KIF13A: variants seen among roughly 807,000 people sequenced by gnomAD.
KIF13A encodes the protein kinesin family member 13A, also known as kinesin-like protein KIF13A.
A neutral mutation model predicts 212.2 loss-of-function variants in KIF13A; 79 were observed. The ratio of observed to expected loss-of-function variants is 0.37; its 90% CI spans 0.31 to 0.45. The LOEUF (loss-of-function observed/expected upper bound fraction) is 0.45. Ranked by LOEUF, KIF13A falls within the 20% of genes least tolerant of loss-of-function variation. The pLI is 1.00. For missense variants in KIF13A, 1,901 were observed against 2,209.0 expected, an observed-to-expected ratio of 0.86 and a Z score of 2.79; for synonymous variants, 789 against 808.6, an observed-to-expected ratio of 0.98 and a Z score of 0.41.
In KIF13A at chr6:17,816,793, AG is replaced by A. The variant is rs998322452; in HGVS notation, c.2000+226del. Among the ~76,000 whole-genome samples, 1 of 152,200 alleles carries A rather than the reference AG, an allele frequency of 6.6e-6. No homozygotes were observed. Among genetic ancestry groups the A allele is most frequent in the Non-Finnish European group, 1.5e-5 (1 of 68,038 alleles). On this transcript the variant is annotated intron_variant, in intron 17 of 38. Transcript: ENST00000259711. The surrounding 1 kb of genome is among the most constrained non-coding windows in gnomAD (Gnocchi z 4.3). ...TGCAACTTGGCACCATTTTTATTGAAGGGTAAATGGTTTGGGGGTAGGAGGG... is the reference window on the plus strand; with the variant it reads ...TGCAACTTGGCACCATTTTTATTGAAGGTAAATGGTTTGGGGGTAGGAGGG...
chr6:17,766,218 A>ATTTATTTATT (rs1561945537), intron 38 of KIF13A, among the ~76,000 whole-genome samples: 1 of 78,970 alleles, frequency 1.3e-5, no homozygotes, highest in African/African-American at 5.3e-5. Context: ...TTTATTTTTA[A>ATTTATTTATT]GATTTATTTA....
intron 2 of KIF13A, among the ~76,000 whole-genome samples, chr6:17,938,795 T>C (rs1046625150): frequency 7.3e-5 from 11 of 151,216 alleles, no homozygotes; most frequent in South Asian, 2.1e-4. Flanking sequence ...TGAAAGTCTT[T>C]AAAATTTCAC....
At chr6:17,796,357 G>A (rs1272514362) in intron 23 of KIF13A, among the ~76,000 whole-genome samples, 1 of 150,040 alleles carries the variant, frequency 6.7e-6, no homozygotes, top group East Asian at 2.0e-4. Flanking sequence ...AATAAATCCT[G>A]CCTCAGCCTC....
intron 25 of KIF13A, among the ~76,000 whole-genome samples, chr6:17,791,901 C>CAAAA (rs57423111): frequency 5.6e-5 from 5 of 89,960 alleles, no homozygotes; most frequent in Admixed American, 1.3e-4. Flanking sequence ...GACTCTGTCT[C>CAAAA]AAAAAAAAAA....
At position 17,764,471 on chromosome 6, in the gene KIF13A, G is replaced by A. The variant is rs753204968; in HGVS notation, c.5057C>T (p.Pro1686Leu). 1.9e-6 allele frequency: 3 copies of A among 1,614,028 alleles called. No homozygotes were observed. In the East Asian group the frequency reaches 6.7e-5, roughly 36 times the overall value. Reference sequence around the variant, plus strand: ...GCACAGTGATTTGGAGTTTTTCTCAGGGATGCTCTGGGATGATGGGCTCCC... The same window carrying A: ...GCACAGTGATTTGGAGTTTTTCTCAAGGATGCTCTGGGATGATGGGCTCCC... ...AKGSPSSQSI[P>L]EKNSKSLCRT... is the part of the protein sequence containing the mutation. The change falls in exon 39 of 39, where the codon CCT becomes CTT. Residue 1686 changes from proline (P) to leucine (L), a missense_variant. Pro to Leu is a moderately conservative substitution (Grantham distance 98). Transcript: ENST00000259711. This position sits in a 1 kb window ranked among gnomAD's most constrained non-coding sequence, Gnocchi z 5.1.
At chr6:17,902,349 T>C (rs879472559) in intron 2 of KIF13A, among the ~76,000 whole-genome samples, 1 of 152,242 alleles carries the variant, frequency 6.6e-6, no homozygotes, top group Non-Finnish European at 1.5e-5. Flanking sequence ...TATTTTTGTA[T>C]ATTCCAAATA....
At position 17,987,235 on chromosome 6, in the gene KIF13A, C is replaced by T. The variant is rs1781653739; in HGVS notation, c.56-91G>A. On this transcript the variant is annotated intron_variant, in intron 1 of 38. Transcript: ENST00000259711. This position sits in a 1 kb window ranked among gnomAD's most constrained non-coding sequence, Gnocchi z 7.7. ...AGCCGCGCCGAGCGGGGCTCCGTCC[C>T]TGGAGGCGGCCGAGCCTGGAGACGG... is the stretch of plus-strand genomic sequence containing the variant. 4.4e-6 allele frequency: 5 copies of T among 1,141,954 alleles called. No individual in the cohort carries two copies. The South Asian group carries it at 9.5e-5, about 22-fold the overall frequency. The allele number at this position is 1,141,954 out of a possible 1,614,324, so 70.7% of individuals were successfully genotyped here.
At position 17,783,258 on chromosome 6, in the gene KIF13A, A is replaced by C. The variant is rs1214673312; in HGVS notation, c.3544+388T>G. Among the ~76,000 whole-genome samples the C allele has an allele frequency of 6.6e-6, 1 of 152,250 alleles. No homozygotes were observed. The highest frequency in any genetic ancestry group is 1.5e-5 in the Non-Finnish European group (1 of 68,046). On this transcript the variant is annotated intron_variant, in intron 29 of 38. Transcript: ENST00000259711. The surrounding 1 kb of genome is among the most constrained non-coding windows in gnomAD (Gnocchi z 4.3). ...ATTGCAATATGAAGGACAACCCCTA[A>C]GGCAGGGTTATAGTGTGATCACTTC...
At chr6:17,923,704 T>G (rs1012954651) in intron 2 of KIF13A, among the ~76,000 whole-genome samples, 1 of 152,232 alleles carries the variant, frequency 6.6e-6, no homozygotes, top group Non-Finnish European at 1.5e-5. Context: ...GACCAAAATC[T>G]TTCACGAGCT....
chr6:17,821,110 T>C (rs149736033), intron 16 of KIF13A, among the ~76,000 whole-genome samples: 212 of 152,190 alleles, frequency 1.4e-3, no homozygotes, highest in Non-Finnish European at 2.4e-3. Context: ...ATCCTCCCAC[T>C]TTGGCTTCCC....
At chr6:17,863,221 A>G (rs1769001732) in intron 4 of KIF13A, among the ~76,000 whole-genome samples, 1 of 152,120 alleles carries the variant, frequency 6.6e-6, no homozygotes, top group Admixed American at 6.5e-5. Context: ...ACCAAATATG[A>G]TGGTGGTGAC....
chr6:17,823,620 A>G (rs866495898), intron 16 of KIF13A, among the ~76,000 whole-genome samples: 2 of 151,546 alleles, frequency 1.3e-5, no homozygotes, highest in Non-Finnish European at 2.9e-5. Flanking sequence ...GGCATTCACC[A>G]CCACACCTGG....
chr6:17,827,395 C>A (rs1217090341), intron 14 of KIF13A, among the ~76,000 whole-genome samples: 1 of 151,962 alleles, frequency 6.6e-6, no homozygotes, highest in Admixed American at 6.6e-5. Context: ...CTGTTCCTGG[C>A]CTGCTTTAGG....
intron 20 of KIF13A, among the ~76,000 whole-genome samples, chr6:17,804,108 C>T (rs879016381): frequency 1.3e-5 from 2 of 151,974 alleles, no homozygotes; most frequent in South Asian, 2.1e-4. Context: ...GCCGAGATCG[C>T]GCCACTGCAC....
Position 17,945,091 on chromosome 6 carries a change from G to A in KIF13A, c.146+41963C>T, listed in dbSNP as rs796912546. 5.9e-5 allele frequency among the ~76,000 whole-genome samples: 9 copies of A among 152,178 alleles called. 1 individual carries two copies. The highest frequency in any genetic ancestry group is 1.7e-4 in the African/African-American group (7 of 41,520). On this transcript the variant is annotated intron_variant, in intron 2 of 38. Coordinates refer to ENST00000259711, the MANE Select transcript of KIF13A (RefSeq NM_022113.6). ...AGTTTGAGACCAGTCTGGGCAACAC[G>A]GCAAGATCCTGTCTCTATTTAAAAA...
chr6:17,762,338 G>A (rs1045627682), downstream of KIF13A, among the ~76,000 whole-genome samples: 1 of 151,322 alleles, frequency 6.6e-6, no homozygotes, highest in Admixed American at 6.6e-5. Flanking sequence ...TCAGCCTCCC[G>A]AGTAGCTGGG....
intron 9 of KIF13A, among the ~76,000 whole-genome samples, chr6:17,847,128 C>T (rs922853098): frequency 1.3e-5 from 2 of 152,192 alleles, no homozygotes; most frequent in Non-Finnish European, 2.9e-5. Flanking sequence ...CATACACACA[C>T]ACACACTCTA....
At chr6:17,853,604 AG>A (rs1256937089) in intron 6 of KIF13A, among the ~76,000 whole-genome samples, 1 of 152,210 alleles carries the variant, frequency 6.6e-6, no homozygotes, top group Non-Finnish European at 1.5e-5. Flanking sequence ...AGACAGAGAA[AG>A]TGATGAATTA....
intron 2 of KIF13A, among the ~76,000 whole-genome samples, chr6:17,985,642 G>GGGGGGGGGGGGGC (rs1781492134): frequency 1.0e-5 from 1 of 96,174 alleles, no homozygotes; most frequent in Non-Finnish European, 1.9e-5. Context: ...CGGGGGGGTG[G>GGGGGGGGGGGGGC]GGGGAGGGGA....
Sources: gnomAD v4.1 joint callset for allele counts (sites outside exome capture counted in the v4.1 genomes callset) on GRCh38, gnomAD v4.1.1 for gene constraint, Gnocchi (gnomAD v3.1) non-coding constraint, MANE v1.5 for transcripts, NCBI Gene and HGNC (gene_info 2026-07-23, HGNC 2026-07-21) for gene names.